Variants in SLC26A7 observed in about 807,000 individuals in gnomAD.
SLC26A7 encodes the protein solute carrier family 26 member 7, also known as anion exchange transporter.
Under a neutral mutation model 82.5 loss-of-function variants are expected in SLC26A7, and 59 were observed. That is an observed-to-expected ratio of 0.72 (90% CI 0.58 to 0.89). The LOEUF is 0.89. Ranked by LOEUF, SLC26A7 falls within the 40% of genes least tolerant of loss-of-function variation. The probability of loss-of-function intolerance (pLI) is 0.00; values close to 1 mark genes in which losing one functional copy is unlikely to be tolerated. For missense variants in SLC26A7, 820 were observed against 793.0 expected (o/e 1.03, Z -0.41); for synonymous variants, 271 against 274.3 (o/e 0.99, Z 0.12).
In SLC26A7 at chr8:91,300,460, C is replaced by G. The variant is rs374990669; in HGVS notation, c.477+4757C>G. 1.9e-3 allele frequency among the ~76,000 whole-genome samples: 283 copies of G among 150,962 alleles called. 3 individuals carry two copies. The East Asian group carries it at 0.051, about 27-fold the overall frequency. ...TCACCCAGGCTGGAGTGCAGGGGCG[C>G]GATCTCGGCTCACTGCAAGCTCCGC... On this transcript the variant is annotated intron_variant, in intron 4 of 18. Transcript: ENST00000276609.
At chr8:91,384,577 G>A (rs762035672) in intron 15 of SLC26A7, among the ~76,000 whole-genome samples, 9 of 152,114 alleles carry the variant, frequency 5.9e-5, no homozygotes, top group Non-Finnish European at 1.2e-4. Flanking sequence ...CATCTCCATA[G>A]CATTTTCTGC....
rs1810596100 is a variant in SLC26A7, at chr8:91,249,426, A to G, written c.-114+13A>G. On this transcript the variant is annotated intron_variant, in intron 1 of 18. Transcript: ENST00000276609. ...ATAAGAATTCAAGGTTTTAATCTAT[A>G]GTTTTTAAATCTAGAATAATTAGCT... 5.5e-6 allele frequency: 2 copies of G among 362,866 alleles called. No homozygotes were observed. Among genetic ancestry groups the G allele is most frequent in the African/African-American group, 4.2e-5 (2 of 47,712 alleles). The allele number at this position is 362,866 out of a possible 1,614,324, so 22.5% of individuals were successfully genotyped here.
intron 2 of SLC26A7, among the ~76,000 whole-genome samples, chr8:91,258,334 T>C (rs1810864011): frequency 6.6e-6 from 1 of 152,124 alleles, no homozygotes; most frequent in Non-Finnish European, 1.5e-5. Context: ...ATTTTATAAC[T>C]GAACACAGCA....
At chr8:91,280,299 A>T (rs1478145760) in intron 2 of SLC26A7, among the ~76,000 whole-genome samples, 8 of 152,334 alleles carry the variant, frequency 5.3e-5, no homozygotes, top group African/African-American at 9.6e-5. Context: ...AAGCCTCCCA[A>T]CATATGTAAG....
intron 2 of SLC26A7, among the ~76,000 whole-genome samples, chr8:91,254,175 T>C (rs928615490): frequency 6.6e-6 from 1 of 152,092 alleles, no homozygotes; most frequent in East Asian, 1.9e-4. Flanking sequence ...GAATAGTTTA[T>C]ATAAAAGTCC....
chr8:91,380,282 G>A (rs950711592), intron 15 of SLC26A7, among the ~76,000 whole-genome samples: 6 of 151,866 alleles, frequency 4.0e-5, no homozygotes, highest in Non-Finnish European at 8.8e-5. Flanking sequence ...TTTGGATTTT[G>A]GAATATTTAT....
intron 9 of SLC26A7, among the ~76,000 whole-genome samples, chr8:91,349,814 A>G (rs1488666021): frequency 6.6e-6 from 1 of 152,196 alleles, no homozygotes; most frequent in Non-Finnish European, 1.5e-5. Context: ...TTGTCTTAAA[A>G]TAAACCTTAG....
chr8:91,348,144 C>A (rs1813617129), intron 9 of SLC26A7, among the ~76,000 whole-genome samples: 1 of 152,236 alleles, frequency 6.6e-6, no homozygotes, highest in Non-Finnish European at 1.5e-5. Flanking sequence ...TTCTAATTTG[C>A]CAAACTGTAT....
intron 5 of SLC26A7, among the ~76,000 whole-genome samples, chr8:91,333,526 C>G (rs994784934): frequency 2.6e-5 from 4 of 151,984 alleles, no homozygotes; most frequent in African/African-American, 4.8e-5. Context: ...TTCATTTACC[C>G]CCTCTATCAT....
chr8:91,247,245 G>A (rs78676540), upstream of SLC26A7, among the ~76,000 whole-genome samples: 720 of 152,266 alleles, frequency 4.7e-3, 5 homozygotes, highest in African/African-American at 0.017. Context: ...TATTTGTATA[G>A]GTATTATCCC....
rs113135600 is a variant in SLC26A7, at chr8:91,293,328, C to A, written c.305-2203C>A. On this transcript the variant is annotated intron_variant, in intron 3 of 18. Transcript: ENST00000276609. ...AGCCTAACCAGGGTAAAATGTTGAG[C>A]AAATGAGGCAAAGATAGAGAATTAG... is the stretch of plus-strand genomic sequence containing the variant. 4.1e-3 allele frequency among the ~76,000 whole-genome samples: 617 copies of A among 152,188 alleles called. 6 individuals are homozygous for A. The highest frequency in any genetic ancestry group is 0.014 in the African/African-American group (598 of 41,502).
intron 12 of SLC26A7, among the ~76,000 whole-genome samples, chr8:91,362,773 A>G (rs993350295): frequency 6.6e-5 from 10 of 152,216 alleles, no homozygotes; most frequent in African/African-American, 2.2e-4. Context: ...AAATTAAGTG[A>G]AAAGAGTTAG....
intron 2 of SLC26A7, among the ~76,000 whole-genome samples, chr8:91,238,727 C>T (rs1290572157): frequency 1.3e-5 from 2 of 151,934 alleles, no homozygotes; most frequent in Non-Finnish European, 2.9e-5. Flanking sequence ...TATATCTCTC[C>T]CTCATTCTTG....
chr8:91,266,768 C>G (rs2130726765), intron 2 of SLC26A7, among the ~76,000 whole-genome samples: 1 of 152,052 alleles, frequency 6.6e-6, no homozygotes, highest in Admixed American at 6.6e-5. Flanking sequence ...CTAGGGCTAT[C>G]AGTACTGTGT....
At chr8:91,279,371 A>G (rs4513933) in intron 2 of SLC26A7, among the ~76,000 whole-genome samples, 104,285 of 151,200 alleles carry the variant, frequency 0.69, 36,562 homozygotes, top group Non-Finnish European at 0.76. Flanking sequence ...GGGAACCTCC[A>G]TACTGTTTTC....
At chr8:91,358,439 C>G (rs1311183224) in intron 11 of SLC26A7, among the ~76,000 whole-genome samples, 3 of 151,152 alleles carry the variant, frequency 2.0e-5, no homozygotes, top group Admixed American at 6.6e-5. Context: ...ATGCCATTCT[C>G]CTGCCTCAGG....
intron 2 of SLC26A7, among the ~76,000 whole-genome samples, chr8:91,239,389 A>ATATAT (rs1264821995): frequency 4.7e-5 from 5 of 105,840 alleles, no homozygotes; most frequent in African/African-American, 1.3e-4. Flanking sequence ...AAAAAAAAAA[A>ATATAT]AAAAAAATAT....
chr8:91,257,696 T>C (rs1810843337), intron 2 of SLC26A7, among the ~76,000 whole-genome samples: 2 of 152,150 alleles, frequency 1.3e-5, no homozygotes, highest in Non-Finnish European at 2.9e-5. Context: ...CAGTTTGTTT[T>C]TCATGAGCTA....
At chr8:91,230,134 C>T (rs911899173) in intron 2 of SLC26A7, among the ~76,000 whole-genome samples, 1 of 152,098 alleles carries the variant, frequency 6.6e-6, no homozygotes. Context: ...GCATATATCA[C>T]GAGTGTGTTC....
Sources: gnomAD v4.1 joint callset for allele counts (sites outside exome capture counted in the v4.1 genomes callset) on GRCh38, gnomAD v4.1.1 for gene constraint, MANE v1.5 for transcripts, NCBI Gene and HGNC (gene_info 2026-07-23, HGNC 2026-07-21) for gene names.